The following JAKMIP3 variants were observed in gnomAD, a reference collection of about 807,000 sequenced individuals.
JAKMIP3 encodes the protein Janus kinase and microtubule interacting protein 3.
JAKMIP3 carries 58 observed loss-of-function variants against 118.5 expected under a neutral mutation model. The ratio of observed to expected loss-of-function variants is 0.49; its 90% CI spans 0.40 to 0.61. The LOEUF (loss-of-function observed/expected upper bound fraction) is 0.61, where lower values mean the gene tolerates loss of function less well. Among genes scored for constraint, JAKMIP3 ranks in the 20% least tolerant of loss-of-function variants. The pLI is 0.00. For missense variants in JAKMIP3, 950 were observed against 1,109.0 expected, an observed-to-expected ratio of 0.86 and a Z score of 2.04; for synonymous variants, 486 against 451.2, an observed-to-expected ratio of 1.08 and a Z score of -0.98.
chr10:132,136,409 G>A (rs1396472113), intron 6 of JAKMIP3, among the ~76,000 whole-genome samples: 1 of 152,206 alleles, frequency 6.6e-6, no homozygotes, highest in Non-Finnish European at 1.5e-5. Flanking sequence ...AGGCTGCGGA[G>A]TCCCGGCTGT....
chr10:132,042,190 C>CCTTCCTTCCTTCCTTCCTTCCTT (rs2037780973), intron 1 of JAKMIP3, among the ~76,000 whole-genome samples: 1 of 147,038 alleles, frequency 6.8e-6, no homozygotes, highest in Admixed American at 6.8e-5. Context: ...CTCGCTCCTT[C>CCTTCCTTCCTTCCTTCCTTCCTT]CTTCCTTCCT....
At chr10:132,069,276 C>T (rs1250603403) in intron 1 of JAKMIP3, among the ~76,000 whole-genome samples, 1 of 152,076 alleles carries the variant, frequency 6.6e-6, no homozygotes, top group Admixed American at 6.6e-5. Flanking sequence ...GGGGAGGGGT[C>T]TGGAGGCCTC....
chr10:132,082,617 C>CT lies in JAKMIP3; in HGVS notation c.-138+16567dup, dbSNP rs35885995. On this transcript the variant is annotated intron_variant, in intron 1 of 23. Coordinates refer to ENST00000684848, the MANE Select transcript of JAKMIP3 (RefSeq NM_001323087.2). ...TGTATATATACACCACAGTTTCTTT[C>CT]TTTTTTTTTTTGAGACAGTGTCTCA... Among the ~76,000 whole-genome samples the CT allele has an allele frequency of 4.2e-3, 611 of 146,964 alleles. 4 individuals carry two copies. Among genetic ancestry groups the CT allele is most frequent in the South Asian group, 0.026 (120 of 4,624 alleles).
Position 132,180,546 on chromosome 10 carries a change from C to CGTGT in JAKMIP3, c.*1104-1808_*1104-1807insTGTG, listed in dbSNP as rs1272765694. Among the ~76,000 whole-genome samples the CGTGT allele has an allele frequency of 1.1e-3, 17 of 15,942 alleles. 3 individuals carry two copies. The highest frequency in any genetic ancestry group is 3.8e-3 in the South Asian group (2 of 520). 10.5% of individuals were successfully genotyped at this position (15,942 alleles called of 152,430 possible). ...AACTGTGTGTGTGTGTGTGTGTGTG[C>CGTGT]GTGCGTGCATGCGTGTGTGTGCGTG... On this transcript the variant is annotated intron_variant, in intron 23 of 23. Coordinates refer to ENST00000684848, the MANE Select transcript of JAKMIP3 (RefSeq NM_001323087.2).
At chr10:132,102,170 T>C (rs1281123886) in intron 1 of JAKMIP3, among the ~76,000 whole-genome samples, 5 of 152,046 alleles carry the variant, frequency 3.3e-5, no homozygotes, top group Non-Finnish European at 5.9e-5. Flanking sequence ...CGAGCCCCCT[T>C]TCCTCCTCAG....
At chr10:132,059,704 G>A (rs1032414201), upstream of JAKMIP3, among the ~76,000 whole-genome samples, 4 of 152,264 alleles carry the variant, frequency 2.6e-5, no homozygotes, top group African/African-American at 9.6e-5. Flanking sequence ...CCACCCACCT[G>A]CAGGAATGAG....
chr10:132,181,507 C>T (rs1242465162), intron 23 of JAKMIP3: 2 of 152,224 alleles, frequency 1.3e-5, no homozygotes, highest in Non-Finnish European at 2.9e-5. Context: ...GGTCCCCTTC[C>T]TCCTGTACCT....
chr10:132,100,727 G>A (rs1000045541), intron 1 of JAKMIP3, among the ~76,000 whole-genome samples: 5 of 152,136 alleles, frequency 3.3e-5, no homozygotes, highest in Admixed American at 2.0e-4. Flanking sequence ...CCTCCCAGCC[G>A]CCCCAACATC....
intron 2 of JAKMIP3, among the ~76,000 whole-genome samples, chr10:132,107,653 C>A (rs1475161016): frequency 1.3e-5 from 2 of 152,240 alleles, no homozygotes; most frequent in Non-Finnish European, 2.9e-5. Flanking sequence ...ATGCTGGATG[C>A]ACAGGCAGCA....
intron 1 of JAKMIP3, among the ~76,000 whole-genome samples, chr10:132,078,414 T>A (rs938367412): frequency 1.3e-5 from 2 of 152,200 alleles, no homozygotes; most frequent in African/African-American, 4.8e-5. Flanking sequence ...TCCAGAGATT[T>A]GAAAAATGCT....
intron 19 of JAKMIP3, among the ~76,000 whole-genome samples, chr10:132,156,686 C>G (rs1009118203): frequency 2.6e-5 from 4 of 152,126 alleles, no homozygotes; most frequent in African/African-American, 9.7e-5. Context: ...ATGGGGCAAG[C>G]AGGGACCATG....
intron 16 of JAKMIP3, among the ~76,000 whole-genome samples, chr10:132,151,657 C>T (rs867123635): frequency 6.6e-6 from 1 of 152,192 alleles, no homozygotes; most frequent in Admixed American, 6.5e-5. Flanking sequence ...TGCCCAGGGT[C>T]ACAGAGCTGA....
At chr10:132,113,517 G>A (rs1022386997) in intron 2 of JAKMIP3, among the ~76,000 whole-genome samples, 2 of 152,244 alleles carry the variant, frequency 1.3e-5, no homozygotes, top group Non-Finnish European at 2.9e-5. Flanking sequence ...AAGGACGTTA[G>A]GTTGTATTTA....
chr10:132,150,496 T>C lies in JAKMIP3; in HGVS notation c.2007+455T>C, dbSNP rs562694821. ...GTTAATTACTGAGTGGGCAAAATAA[T>C]GCACCTCTTCATCCCAATTTTCATC... is the stretch of plus-strand genomic sequence containing the variant. On this transcript the variant is annotated intron_variant, in intron 16 of 23. Coordinates refer to ENST00000684848, the MANE Select transcript of JAKMIP3 (RefSeq NM_001323087.2). 3.3e-5 allele frequency among the ~76,000 whole-genome samples: 5 copies of C among 152,298 alleles called. No homozygotes were observed. In the East Asian group the frequency reaches 7.7e-4, roughly 23 times the overall value.
At chr10:132,037,965 C>T (rs1306334193) in intron 1 of JAKMIP3, among the ~76,000 whole-genome samples, 1 of 152,362 alleles carries the variant, frequency 6.6e-6, no homozygotes, top group Admixed American at 6.5e-5. Context: ...AATGTCACTC[C>T]TTGTCTGGCC....
At chr10:132,073,166 A>G (rs2040237566) in intron 1 of JAKMIP3, among the ~76,000 whole-genome samples, 1 of 152,048 alleles carries the variant, frequency 6.6e-6, no homozygotes, top group African/African-American at 2.4e-5. Context: ...CCACTGATGG[A>G]CACTTTGATC....
At chr10:132,082,472 T>C (rs2041898583) in intron 1 of JAKMIP3, among the ~76,000 whole-genome samples, 1 of 152,194 alleles carries the variant, frequency 6.6e-6, no homozygotes. Flanking sequence ...AGTGAGAGCA[T>C]ATGATGTTTG....
rs769813235 is a variant in JAKMIP3 at position 132,141,943 on chromosome 10, G to A, written c.1497G>A (p.Glu499=). The A allele has an allele frequency of 2.2e-5, 35 of 1,594,842 alleles. No individual in the cohort carries two copies. The highest frequency in any genetic ancestry group is 3.0e-5 in the Non-Finnish European group (35 of 1,171,330). Residue 499 remains glutamate, a synonymous_variant, in exon 11 of 24, where the codon GAG becomes GAA. Transcript: ENST00000684848. ...AGGGCATGGCCAAGGAGGAGACGGA[G>A]CTGAGGTTCCGGCAGCTGACCATGG... is the stretch of plus-strand genomic sequence containing the variant. The part of the protein sequence containing the change: ...LEEGMAKEET[E]LRFRQLTMEY...
intron 16 of JAKMIP3, among the ~76,000 whole-genome samples, chr10:132,152,515 C>T (rs1171480806): frequency 1.3e-5 from 2 of 152,236 alleles, no homozygotes; most frequent in East Asian, 3.8e-4. Context: ...TCAGCCATTT[C>T]ACAGCCATGA....
Sources: allele counts gnomAD v4.1 joint callset (sites outside exome capture counted in the v4.1 genomes callset), GRCh38; gene constraint gnomAD v4.1.1; transcripts MANE v1.5; gene names NCBI Gene and HGNC (gene_info 2026-07-23, HGNC 2026-07-21).